The following HDAC5 variants were observed in gnomAD, a reference collection of about 807,000 sequenced individuals.
HDAC5 encodes histone deacetylase 5.
In HDAC5, 25 loss-of-function variants were observed where a neutral mutation model predicts 133.3. The ratio of observed to expected loss-of-function variants is 0.19; its 90% CI spans 0.14 to 0.26. The LOEUF (loss-of-function observed/expected upper bound fraction) is 0.26, where lower values mean the gene tolerates loss of function less well. HDAC5 is among the 10% of genes least tolerant of loss of function. The pLI, the probability that HDAC5 is intolerant of heterozygous loss-of-function variation, is 1.00. For synonymous variants in HDAC5, 589 were observed against 610.8 expected, an observed-to-expected ratio of 0.96 and a Z score of 0.53; for missense variants, 1,041 against 1,460.5, an observed-to-expected ratio of 0.71 and a Z score of 4.68.
intron 3 of HDAC5, among the ~76,000 whole-genome samples, chr17:44,097,273 G>T (rs2051330489): frequency 6.6e-6 from 1 of 152,264 alleles, no homozygotes; most frequent in South Asian, 2.1e-4. Flanking sequence ...AGCTCAGCAT[G>T]ATGTAGCAGT....
intron 3 of HDAC5, among the ~76,000 whole-genome samples, chr17:44,105,673 G>A (rs1486780098): frequency 6.6e-6 from 1 of 152,270 alleles, no homozygotes; most frequent in South Asian, 2.1e-4. Flanking sequence ...GCTCCCTGGC[G>A]GCTGGAAACA....
At chr17:44,104,545 C>T (rs758337142) in intron 3 of HDAC5, among the ~76,000 whole-genome samples, 3 of 152,116 alleles carry the variant, frequency 2.0e-5, no homozygotes, top group African/African-American at 4.8e-5. Flanking sequence ...GTGCAGCCAG[C>T]GGCTGGGTGT....
intron 2 of HDAC5, chr17:44,111,757 G>C (rs899709556): frequency 2.1e-5 from 10 of 469,434 alleles, no homozygotes; most frequent in Non-Finnish European, 4.2e-5. Context: ...CTAAATGGCA[G>C]CTCCCTCCCG....
intron 3 of HDAC5, among the ~76,000 whole-genome samples, chr17:44,094,844 C>G (rs1207431719): frequency 6.6e-6 from 1 of 151,972 alleles, no homozygotes; most frequent in Non-Finnish European, 1.5e-5. Flanking sequence ...TGCTCTGTCG[C>G]CCAGGCTGGA....
intron 3 of HDAC5, among the ~76,000 whole-genome samples, chr17:44,109,036 G>A (rs2052172236): frequency 6.6e-6 from 1 of 152,146 alleles, no homozygotes; most frequent in Admixed American, 6.5e-5. Flanking sequence ...GGGAGGAGAT[G>A]AGAGAGCAGG....
chr17:44,084,718 T>G (rs1280764753), intron 15 of HDAC5, 43 bp from the exon 16 acceptor site: 1 of 1,607,898 alleles, frequency 6.2e-7, no homozygotes, highest in Non-Finnish European at 8.5e-7. Flanking sequence ...AAGGCACAGC[T>G]CTCTCAGAGC....
At chr17:44,103,090 T>C (rs773183053) in intron 3 of HDAC5, among the ~76,000 whole-genome samples, 63 of 152,078 alleles carry the variant, frequency 4.1e-4, no homozygotes, top group Non-Finnish European at 6.0e-4. Flanking sequence ...AGCTTCTAAT[T>C]ACCTTGTTCT....
chr17:44,103,182 A>T (rs17613324), intron 3 of HDAC5, among the ~76,000 whole-genome samples: 3,281 of 151,908 alleles, frequency 0.022, 45 homozygotes, highest in Middle Eastern at 0.038. Context: ...AACATTTCAC[A>T]CCCTGAGCCC....
At position 44,093,715 on chromosome 17, in the gene HDAC5, G is replaced by T; in HGVS notation, c.214C>A (p.Arg72=). 6.2e-7 allele frequency: 1 copy of T among 1,604,672 alleles called. No homozygotes were observed. The highest frequency in any genetic ancestry group is 8.5e-7 in the Non-Finnish European group (1 of 1,175,846). Residue 72 remains arginine, a synonymous_variant, in exon 4 of 27, where the codon CGG becomes AGG. Coordinates refer to ENST00000682912, the MANE Select transcript of HDAC5 (RefSeq NM_005474.5). ...ALVGSVDPTL[R]EQQLQQELLA... is the part of the protein sequence containing the mutation. ...AGCTCCTGCTGCAGTTGCTGCTCCC[G>T]CAGTGTGGGGTCCACAGAGCCCACC...
In HDAC5 at chr17:44,082,914, G is replaced by A. The variant is rs545786430; in HGVS notation, c.2464-94C>T. On this transcript the variant is annotated intron_variant, in intron 18 of 26. Coordinates refer to ENST00000682912, the MANE Select transcript of HDAC5 (RefSeq NM_005474.5). ...ACAGAAGCACAAGCCAGGCAGGGAA[G>A]TGAACACAAACCAGAAAAGCAGATC... 39 of 1,085,970 alleles carry A rather than the reference G, an allele frequency of 3.6e-5. No individual in the cohort carries two copies. In the East Asian group the frequency reaches 9.6e-4, roughly 27 times the overall value. The allele number at this position is 1,085,970 out of a possible 1,614,324, so 67.3% of individuals were successfully genotyped here. A position where few individuals can be genotyped will look rare whatever the true frequency, so the allele number is the denominator to read the frequency against.
chr17:44,092,853 C>T, intron 6 of HDAC5, 47 bp from the exon 7 acceptor site: 1 of 803,856 alleles, frequency 1.2e-6, no homozygotes, highest in Non-Finnish European at 2.0e-6. Flanking sequence ...AGGTTATCAC[C>T]CAGTCTGCTG....
chr17:44,123,618 C>T lies in HDAC5; in HGVS notation c.-304G>A. 1 of 396,802 alleles carries T rather than the reference C, an allele frequency of 2.5e-6. No individual in the cohort carries two copies. The highest frequency in any genetic ancestry group is 1.3e-4 in the South Asian group (1 of 7,864). 24.6% of individuals were successfully genotyped at this position (396,802 alleles called of 1,614,324 possible). On this transcript the variant is annotated 5_prime_UTR_variant, in exon 1 of 27. Coordinates refer to ENST00000682912, the MANE Select transcript of HDAC5 (RefSeq NM_005474.5). ...CTTTGCGGCGGCTCCTCCGGCTCCGCTCGCCGCCGCCACCAACAACAACAT... is the reference window on the plus strand; with the variant it reads ...CTTTGCGGCGGCTCCTCCGGCTCCGTTCGCCGCCGCCACCAACAACAACAT...
intron 3 of HDAC5, among the ~76,000 whole-genome samples, chr17:44,102,687 GACAGTCTC>G (rs1336590730): frequency 3.7e-4 from 47 of 127,102 alleles, no homozygotes; most frequent in African/African-American, 1.3e-3. Flanking sequence ...TTTTTTTGGA[GACAGTCTC>G]TCTGTTGCCC....
intron 2 of HDAC5, among the ~76,000 whole-genome samples, chr17:44,116,998 C>A (rs1173633520): frequency 6.6e-6 from 1 of 152,212 alleles, no homozygotes; most frequent in Admixed American, 6.5e-5. Context: ...CAATGCCACG[C>A]ACCTGCACAC....
intron 3 of HDAC5, among the ~76,000 whole-genome samples, chr17:44,096,475 GTT>G (rs753428334): frequency 2.2e-5 from 3 of 136,988 alleles, no homozygotes; most frequent in African/African-American, 2.7e-5. Context: ...GTTTTTTTTT[GTT>G]TTTTTTTTTT....
chr17:44,093,925 G>C, intron 3 of HDAC5, 91 bp from the exon 4 acceptor site: 1 of 1,407,880 alleles, frequency 7.1e-7, no homozygotes, highest in Non-Finnish European at 9.3e-7. Context: ...CAGGATTCTA[G>C]GAGACCCAAA....
intron 2 of HDAC5, among the ~76,000 whole-genome samples, chr17:44,113,981 G>A (rs1172511808): frequency 6.6e-6 from 1 of 151,032 alleles, no homozygotes; most frequent in Non-Finnish European, 1.5e-5. Context: ...TCATGCTGGA[G>A]CCCATCAGCA....
chr17:44,093,977 G>A, intron 3 of HDAC5, 143 bp from the exon 4 acceptor site: 1 of 1,091,730 alleles, frequency 9.2e-7, no homozygotes, highest in Non-Finnish European at 1.2e-6. Context: ...TCTGCTCCAT[G>A]GATGCAACAT....
chr17:44,119,128 G>C (rs1350572891), intron 1 of HDAC5, among the ~76,000 whole-genome samples: 1 of 152,240 alleles, frequency 6.6e-6, no homozygotes, highest in Non-Finnish European at 1.5e-5. Flanking sequence ...GACGGGCACA[G>C]GTATGGGATT....
Sources: gnomAD v4.1 joint callset for allele counts (sites outside exome capture counted in the v4.1 genomes callset) on GRCh38, gnomAD v4.1.1 for gene constraint, MANE v1.5 for transcripts, NCBI Gene and HGNC (gene_info 2026-07-23, HGNC 2026-07-21) for gene names.